The following GGA3 variants were observed in gnomAD, a reference collection of about 807,000 sequenced individuals.
The protein encoded by GGA3 is golgi associated, gamma adaptin ear containing, ARF binding protein 3, also known as ADP-ribosylation factor-binding protein GGA3.
A neutral mutation model predicts 77.5 loss-of-function variants in GGA3; 57 were observed. That is an observed-to-expected ratio of 0.74 (90% CI 0.59 to 0.92). The LOEUF is 0.92. GGA3 is among the 40% of genes least tolerant of loss of function. GGA3 has a pLI of 0.00. For missense variants in GGA3, 970 were observed against 914.9 expected, an observed-to-expected ratio of 1.06 and a Z score of -0.78; for synonymous variants, 416 against 383.7, an observed-to-expected ratio of 1.08 and a Z score of -0.98.
At chr17:75,242,964 G>C in intron 6 of GGA3, 53 bp from the exon 7 acceptor site, 1 of 1,522,326 alleles carries the variant, frequency 6.6e-7, no homozygotes, top group South Asian at 1.1e-5. Flanking sequence ...CCGTACCCCA[G>C]GGAAACCCCA....
intron 1 of GGA3, among the ~76,000 whole-genome samples, chr17:75,255,337 C>T (rs966883813): frequency 4.6e-5 from 7 of 152,038 alleles, no homozygotes; most frequent in East Asian, 1.9e-4. Flanking sequence ...CTTATTAGGC[C>T]GAGACACTTT....
chr17:75,259,888 G>A (rs3826325), intron 1 of GGA3, among the ~76,000 whole-genome samples: 17,315 of 152,124 alleles, frequency 0.11, 2,798 homozygotes, highest in African/African-American at 0.35. Flanking sequence ...GGTAGCTCAC[G>A]TGTGTAATCC....
At position 75,237,275 on chromosome 17, in the gene GGA3, G is replaced by A; in HGVS notation, c.*1004C>T. 1 of 610,444 alleles carries A rather than the reference G, an allele frequency of 1.6e-6. No individual in the cohort carries two copies. The highest frequency in any genetic ancestry group is 1.9e-5 in the South Asian group (1 of 51,666). 37.8% of individuals were successfully genotyped at this position (610,444 alleles called of 1,614,324 possible). The stretch of plus-strand genomic sequence containing the variant: ...GCCCCTCAGTAGCTGGGGAACAGTT[G>A]AGGTTTCTGGGCAGCACATTAGGAC... On this transcript the variant is annotated 3_prime_UTR_variant, in exon 17 of 17. Transcript: ENST00000537686.
intron 1 of GGA3, among the ~76,000 whole-genome samples, chr17:75,254,218 TCTC>T (rs1205982364): frequency 6.6e-6 from 1 of 151,878 alleles, no homozygotes; most frequent in Non-Finnish European, 1.5e-5. Flanking sequence ...CCTTTCCCCT[TCTC>T]CTCAGGCTGC....
In GGA3 at chr17:75,240,830, C is replaced by A. The variant is rs764688997; in HGVS notation, c.1174G>T (p.Glu392Ter). The A allele has an allele frequency of 1.9e-6, 3 of 1,612,092 alleles. No individual in the cohort carries two copies. Among genetic ancestry groups the A allele is most frequent in the Non-Finnish European group, 2.5e-6 (3 of 1,179,658 alleles). The change falls in exon 11 of 17, where the codon GAG becomes TAG. Residue 392 changes from glutamate to a stop codon, truncating the protein, a stop_gained. Coordinates refer to ENST00000537686, the MANE Select transcript of GGA3 (RefSeq NM_138619.4). LOFTEE classifies it high-confidence loss of function. Reference protein sequence around the residue: ...STSNALSWLDEELLCLGLADP... With the variant: ...STSNALSWLD ...GCCGCACCCAAGCAGAGTAGCTCCT[C>A]GTCCAGCCAGGAGAGGGCGTTGCTT...
rs1598395222 is a variant in GGA3 at position 75,240,949 on chromosome 17, C to T, written c.1055G>A (p.Gly352Asp). 6.2e-7 allele frequency: 1 copy of T among 1,613,974 alleles called. No homozygotes were observed. The highest frequency in any genetic ancestry group is 8.5e-7 in the Non-Finnish European group (1 of 1,179,962). Reference protein sequence around the residue: ...LAPAPTPPSSGIPILPPPPQA... With the variant: ...LAPAPTPPSSDIPILPPPPQA... The stretch of plus-strand genomic sequence containing the variant: ...GGGTGGTGGAGGGAGGATTGGGATG[C>T]CTGAGGAGGGTGGAGTAGGTGCTGG... The change falls in exon 11 of 17, where the codon GGC (glycine) becomes GAC (aspartate). Residue 352 changes from glycine to aspartate, a missense_variant. By Grantham distance (94) the Gly-to-Asp change is moderately conservative. Coordinates refer to ENST00000537686, the MANE Select transcript of GGA3 (RefSeq NM_138619.4).
intron 14 of GGA3, 132 bp downstream of exon 14, chr17:75,239,243 G>C: frequency 1.0e-6 from 1 of 958,964 alleles, no homozygotes; most frequent in Non-Finnish European, 1.5e-6. Flanking sequence ...GACTGAGAAT[G>C]CAGGCAGGGA....
In GGA3 at chr17:75,241,467, G is replaced by T. The variant is rs750293219; in HGVS notation, c.879C>A (p.Tyr293Ter). Residue 293 changes from tyrosine (Y) to a stop codon, truncating the protein, a stop_gained, in exon 10 of 17, where the codon TAC becomes TAA. Transcript: ENST00000537686. LOFTEE classifies it high-confidence loss of function. ...SDNLSRVINS[Y>*]KTIIEGQVIN... ...TGACCTGCCCTTCAATAATTGTTTT[G>T]TAAGAGTTGATGACCCGGGAGAGGT... 8 of 1,614,100 alleles carry T rather than the reference G, an allele frequency of 5.0e-6. No homozygotes were observed. Among genetic ancestry groups the T allele is most frequent in the South Asian group, 3.3e-5 (3 of 91,082 alleles).
At position 75,240,849 on chromosome 17, in the gene GGA3, G is replaced by A. The variant is rs375387923; in HGVS notation, c.1155C>T (p.Asn385=). Residue 385 remains asparagine (N), a synonymous_variant, in exon 11 of 17, where the codon AAC becomes AAT. Transcript: ENST00000537686. Reference sequence around the variant, plus strand: ...GCTCCTCGTCCAGCCAGGAGAGGGCGTTGCTTGTGCTGCTGGGCCCCAGGG... The same window carrying A: ...GCTCCTCGTCCAGCCAGGAGAGGGCATTGCTTGTGCTGCTGGGCCCCAGGG... ...EATLGPSSTS[N]ALSWLDEELL... is the part of the protein sequence containing the mutation. The A allele has an allele frequency of 1.2e-5, 20 of 1,613,078 alleles. No individual in the cohort carries two copies. The highest frequency in any genetic ancestry group is 4.4e-5 in the South Asian group (4 of 91,004).
Position 75,241,837 on chromosome 17 carries a change from C to G in GGA3, c.748-141G>C, listed in dbSNP as rs576652252. 4.1e-6 allele frequency: 3 copies of G among 728,048 alleles called. No homozygotes were observed. In the African/African-American group the frequency reaches 5.2e-5, roughly 13 times the overall value. The allele number at this position is 728,048 out of a possible 1,614,324, so 45.1% of individuals were successfully genotyped here. A position where few individuals can be genotyped will look rare whatever the true frequency, so the allele number is the denominator to read the frequency against. The stretch of plus-strand genomic sequence containing the variant: ...CCAGCAAAGCTGGGATCACAGCGCA[C>G]GTCTTCTTGCCACCAGCCACCACCA... On this transcript the variant is annotated intron_variant, in intron 8 of 16. Transcript: ENST00000537686.
At position 75,239,355 on chromosome 17, in the gene GGA3, C is replaced by T. The variant is rs1266672230; in HGVS notation, c.1780+20G>A. The stretch of plus-strand genomic sequence containing the variant: ...CTATAGGCCCCACCGCCCCACCCAC[C>T]TCAATCCTCCAACACCTACTAGGCT... On this transcript the variant is annotated intron_variant, in intron 14 of 16. Coordinates refer to ENST00000537686, the MANE Select transcript of GGA3 (RefSeq NM_138619.4). 2.6e-6 allele frequency: 4 copies of T among 1,522,202 alleles called. No individual in the cohort carries two copies. Among genetic ancestry groups the T allele is most frequent in the South Asian group, 1.3e-5 (1 of 75,676 alleles). 94.3% of individuals were successfully genotyped at this position (1,522,202 alleles called of 1,614,324 possible).
chr17:75,238,291 C>T lies in GGA3; in HGVS notation c.2160G>A (p.Trp720Ter). ...EVDQFPPVEQ[W>*]GNL The stretch of plus-strand genomic sequence containing the variant: ...GCGTCCTCTGGGGTCATAGGTTCCC[C>T]CACTGTTCCACAGGAGGGAACTGGT... The change falls in exon 17 of 17, where the codon TGG becomes TGA. Residue 720 changes from tryptophan (W) to a stop codon, truncating the protein, a stop_gained. Transcript: ENST00000537686. LOFTEE classifies it high-confidence loss of function. The T allele has an allele frequency of 6.2e-7, 1 of 1,613,340 alleles. No individual in the cohort carries two copies. Among genetic ancestry groups the T allele is most frequent in the Non-Finnish European group, 8.5e-7 (1 of 1,179,588 alleles).
Position 75,237,395 on chromosome 17 carries a change from A to C in GGA3, c.*884T>G. The stretch of plus-strand genomic sequence containing the variant: ...ATCTGGTGAGAGGAGAGGGAGGCCA[A>C]AGCAGTAGGATGTAGAGTGGCGGTA... On this transcript the variant is annotated 3_prime_UTR_variant, in exon 17 of 17. Transcript: ENST00000537686. 3 of 1,244,350 alleles carry C rather than the reference A, an allele frequency of 2.4e-6. No individual in the cohort carries two copies. In the South Asian group the frequency reaches 3.8e-5, roughly 16 times the overall value. 77.1% of individuals were successfully genotyped at this position (1,244,350 alleles called of 1,614,324 possible).
chr17:75,242,922 A>G lies in GGA3; in HGVS notation c.529-11T>C. 6.2e-7 allele frequency: 1 copy of G among 1,607,540 alleles called. No homozygotes were observed. The highest frequency in any genetic ancestry group is 8.5e-7 in the Non-Finnish European group (1 of 1,173,990). ...CAGCTTGGCTAAAAGCTGAGAGAGG[A>G]GGAAATCAGAGGTGAAGGGAAGAGG... On this transcript the variant is annotated splice_polypyrimidine_tract_variant and intron_variant, in intron 6 of 16. Coordinates refer to ENST00000537686, the MANE Select transcript of GGA3 (RefSeq NM_138619.4).
chr17:75,241,997 A>C, intron 8 of GGA3: 1 of 544,188 alleles, frequency 1.8e-6, no homozygotes, highest in Non-Finnish European at 3.3e-6. Context: ...GGCCTGCACC[A>C]CATGGGCATC....
chr17:75,262,152 C>T, upstream of GGA3: 1 of 800,758 alleles, frequency 1.2e-6, no homozygotes, highest in South Asian at 1.7e-5. Flanking sequence ...TTAGTGACTA[C>T]CTCTCGCCTA....
chr17:75,256,665 A>G (rs62085965), intron 1 of GGA3, among the ~76,000 whole-genome samples: 32,291 of 152,012 alleles, frequency 0.21, 3,629 homozygotes, highest in Middle Eastern at 0.29. Flanking sequence ...GTGGAAATCT[A>G]TCCTCAAGGA....
chr17:75,244,667 C>T lies in GGA3; in HGVS notation c.252G>A (p.Val84=). The T allele has an allele frequency of 6.2e-7, 1 of 1,613,970 alleles. No homozygotes were observed. The highest frequency in any genetic ancestry group is 1.1e-5 in the South Asian group (1 of 91,070). ...KNCGRRFHNE[V]GKFRFLNELI... is the part of the protein sequence containing the mutation. ...ACTCATTCAAAAAGCGGAACTTCCC[C>T]ACTTCGTTATGAAATCTCCTCCCAC... Residue 84 remains valine (V), a synonymous_variant, in exon 4 of 17, where the codon GTG becomes GTA. Transcript: ENST00000537686.
chr17:75,242,719 G>A (rs2076604527), intron 7 of GGA3, 112 bp downstream of exon 7: 2 of 992,774 alleles, frequency 2.0e-6, no homozygotes, highest in South Asian at 2.7e-5. Flanking sequence ...GCACAGGTAG[G>A]GCAGCTGGCA....
Sources: allele counts gnomAD v4.1 joint callset (sites outside exome capture counted in the v4.1 genomes callset), GRCh38; gene constraint gnomAD v4.1.1; transcripts MANE v1.5; gene names NCBI Gene and HGNC (gene_info 2026-07-23, HGNC 2026-07-21).